The following CRYBG1 variants were observed in gnomAD, a reference collection of about 807,000 sequenced individuals.
The protein encoded by CRYBG1 is beta/gamma crystallin domain-containing protein 1.
In CRYBG1, 139 loss-of-function variants were observed where a neutral mutation model predicts 189.2. That is an observed-to-expected ratio of 0.73 (90% CI 0.64 to 0.85). The LOEUF is 0.85. CRYBG1 is among the 40% of genes least tolerant of loss of function. The pLI is 0.00. For synonymous variants in CRYBG1, 1,023 were observed against 1,017.1 expected (o/e 1.01, Z -0.11); for missense variants, 2,611 against 2,675.8 (o/e 0.98, Z 0.53).
chr6:106,430,092 G>A (rs1286583254), intron 1 of CRYBG1, among the ~76,000 whole-genome samples: 1 of 152,080 alleles, frequency 6.6e-6, no homozygotes. Flanking sequence ...GATTTTCTAT[G>A]GATGATTTTC....
chr6:106,401,390 CTT>C (rs67766893), intron 1 of CRYBG1, among the ~76,000 whole-genome samples: 28,011 of 140,244 alleles, frequency 0.2, 2,927 homozygotes, highest in Non-Finnish European at 0.24. Context: ...CTGAATGATT[CTT>C]TTTTTTTTTT....
intron 1 of CRYBG1, among the ~76,000 whole-genome samples, chr6:106,439,959 A>G (rs1348687545): frequency 1.3e-5 from 2 of 152,206 alleles, no homozygotes; most frequent in Non-Finnish European, 2.9e-5. Context: ...ATAATGTTGA[A>G]CCTCGAAGTT....
chr6:106,405,937 G>C (rs558599274), intron 1 of CRYBG1, among the ~76,000 whole-genome samples: 3 of 152,194 alleles, frequency 2.0e-5, no homozygotes, highest in Non-Finnish European at 2.9e-5. Context: ...GTGCAAAAAG[G>C]CTGAAAATTC....
chr6:106,529,444 T>A (rs1031102406), intron 7 of CRYBG1, among the ~76,000 whole-genome samples: 1 of 152,232 alleles, frequency 6.6e-6, no homozygotes, highest in Non-Finnish European at 1.5e-5. Flanking sequence ...TCATTAGAGT[T>A]GTTCCTTTTG....
At position 106,553,627 on chromosome 6, in the gene CRYBG1, C is replaced by T. The variant is rs1233728080; in HGVS notation, c.5585+60C>T. On this transcript the variant is annotated intron_variant, in intron 16 of 21. Transcript: ENST00000633556. ...CTGGAGTAAAACAGAATTCACACAT[C>T]AGCAAGTATATAGTGATGCCTGTTA... 5.2e-6 allele frequency: 6 copies of T among 1,148,918 alleles called. No individual in the cohort carries two copies. The African/African-American group carries it at 7.7e-5, about 15-fold the overall frequency. 71.2% of individuals were successfully genotyped at this position (1,148,918 alleles called of 1,614,324 possible).
rs555384631 is a variant in CRYBG1 at position 106,511,941 on chromosome 6, C to T, written c.824C>T (p.Pro275Leu). The T allele has an allele frequency of 6.9e-5, 105 of 1,526,072 alleles. 1 individual carries two copies. The highest frequency in any genetic ancestry group is 4.9e-4 in the East Asian group (20 of 40,726). 94.5% of individuals were successfully genotyped at this position (1,526,072 alleles called of 1,614,324 possible). A position where few individuals can be genotyped will look rare whatever the true frequency, so the allele number is the denominator to read the frequency against. ...AACGCAGAGACGCCCGCCCGCAGTC[C>T]GGGGGAGGACGCTTCACCAGGTGCT... ...QENAETPARS[P>L]GEDASPGAGH... The change falls in exon 3 of 22, where the codon CCG (proline) becomes CTG (leucine). Residue 275 changes from proline (P) to leucine (L), a missense_variant. Pro to Leu is a moderately conservative substitution (Grantham distance 98). Transcript: ENST00000633556.
chr6:106,568,804 C>T lies in CRYBG1; in HGVS notation c.*238C>T. The T allele has an allele frequency of 2.4e-6, 1 of 409,342 alleles. No homozygotes were observed. The highest frequency in any genetic ancestry group is 4.4e-6 in the Non-Finnish European group (1 of 227,112). The allele number at this position is 409,342 out of a possible 1,614,324, so 25.4% of individuals were successfully genotyped here. A position where few individuals can be genotyped will look rare whatever the true frequency, so the allele number is the denominator to read the frequency against. On this transcript the variant is annotated 3_prime_UTR_variant, in exon 22 of 22. Transcript: ENST00000633556. ...ATTTCTTGCCTTTCATTTTTGGTAG[C>T]TGCTTAAACAGGTTGCCTAATTAGC...
At chr6:106,564,613 GC>G (rs35173941) in intron 21 of CRYBG1, among the ~76,000 whole-genome samples, 112,161 of 151,964 alleles carry the variant, frequency 0.74, 43,553 homozygotes, top group Non-Finnish European at 0.88. Flanking sequence ...CTGGGGTGGG[GC>G]CTGATAATTC....
Position 106,521,405 on chromosome 6 carries a change from G to C in CRYBG1, c.4197G>C (p.Arg1399=), listed in dbSNP as rs371480971. The change falls in exon 4 of 22, where the codon CGG becomes CGC. Residue 1399 remains arginine, a synonymous_variant. Transcript: ENST00000633556. ...TDFMGLFKSS[R]YDPSISFSGM... ...TCATGGGTCTTTTCAAATCAAGCCG[G>C]TATGACCCAAGCATTTCTTTTTCTG... is the stretch of plus-strand genomic sequence containing the variant. 6.2e-7 allele frequency: 1 copy of C among 1,605,704 alleles called. No individual in the cohort carries two copies. The highest frequency in any genetic ancestry group is 8.5e-7 in the Non-Finnish European group (1 of 1,177,474).
At position 106,571,815 on chromosome 6, in the gene CRYBG1, C is replaced by T. The variant is rs1775070537; in HGVS notation, c.*3249C>T. On this transcript the variant is annotated 3_prime_UTR_variant, in exon 22 of 22. Transcript: ENST00000633556. Reference sequence around the variant, plus strand: ...AATTTCTACTGACTACAGACAAATCCAAGTGCTGATATTTTTATATCAATT... The same window carrying T: ...AATTTCTACTGACTACAGACAAATCTAAGTGCTGATATTTTTATATCAATT... 3.9e-6 allele frequency: 2 copies of T among 510,828 alleles called. No homozygotes were observed. Among genetic ancestry groups the T allele is most frequent in the Non-Finnish European group, 7.0e-6 (2 of 284,840 alleles). The allele number at this position is 510,828 out of a possible 1,614,324, so 31.6% of individuals were successfully genotyped here.
Position 106,570,072 on chromosome 6 carries a change from T to C in CRYBG1, c.*1506T>C, listed in dbSNP as rs920901464. The stretch of plus-strand genomic sequence containing the variant: ...CATACGCTGCTCTTCCAACAGTGGG[T>C]TCTAGCTTTGAACAAAAGTGCTAAA... On this transcript the variant is annotated 3_prime_UTR_variant, in exon 22 of 22. Transcript: ENST00000633556. 6.6e-6 allele frequency: 1 copy of C among 152,202 alleles called. No homozygotes were observed. Among genetic ancestry groups the C allele is most frequent in the East Asian group, 1.9e-4 (1 of 5,200 alleles). The allele number at this position is 152,202 out of a possible 1,614,324, so 9.4% of individuals were successfully genotyped here.
At chr6:106,400,360 G>C (rs1374541501) in intron 1 of CRYBG1, among the ~76,000 whole-genome samples, 1 of 152,106 alleles carries the variant, frequency 6.6e-6, no homozygotes, top group Non-Finnish European at 1.5e-5. Context: ...AATCTTACTT[G>C]AGACAATGCC....
At chr6:106,547,980 A>G (rs1035868539) in intron 13 of CRYBG1, among the ~76,000 whole-genome samples, 2 of 152,226 alleles carry the variant, frequency 1.3e-5, no homozygotes, top group Non-Finnish European at 2.9e-5. Context: ...TGGTATTCAG[A>G]TGAAAACGAA....
At chr6:106,404,984 G>GTT (rs1307389824) in intron 1 of CRYBG1, among the ~76,000 whole-genome samples, 1 of 146,808 alleles carries the variant, frequency 6.8e-6, no homozygotes, top group Non-Finnish European at 1.5e-5. Context: ...GCTAGCCGCA[G>GTT]TTTTTTTTTT....
Position 106,519,209 on chromosome 6 carries a change from A to G in CRYBG1, c.2001A>G (p.Pro667=). ...ACAGTTTGGGAAATGAGCACAATCCATTTAGCCAGCCAGTTCACAAAGGCA... is the reference window on the plus strand; with the variant it reads ...ACAGTTTGGGAAATGAGCACAATCCGTTTAGCCAGCCAGTTCACAAAGGCA... The part of the protein sequence containing the change: ...NLDSLGNEHN[P]FSQPVHKGNT... Residue 667 remains proline (P), a synonymous_variant, in exon 4 of 22, where the codon CCA becomes CCG. Transcript: ENST00000633556. The G allele has an allele frequency of 1.2e-6, 2 of 1,614,130 alleles. No individual in the cohort carries two copies.
chr6:106,485,104 A>G (rs553726868), intron 2 of CRYBG1, among the ~76,000 whole-genome samples: 1 of 152,330 alleles, frequency 6.6e-6, no homozygotes, highest in East Asian at 1.9e-4. Flanking sequence ...TTTTAACAAT[A>G]TTATTTCTTC....
intron 1 of CRYBG1, among the ~76,000 whole-genome samples, chr6:106,412,623 A>C (rs1406848722): frequency 6.6e-6 from 1 of 152,222 alleles, no homozygotes. Flanking sequence ...GTACTTTGTC[A>C]CTGATAGGAA....
rs995647368 is a variant in CRYBG1, at chr6:106,451,163, T to C, written c.174-531T>C. Among the ~76,000 whole-genome samples the C allele has an allele frequency of 3.3e-5, 5 of 152,210 alleles. No homozygotes were observed. In the South Asian group the frequency reaches 1.0e-3, roughly 32 times the overall value. On this transcript the variant is annotated intron_variant, in intron 1 of 21. Coordinates refer to ENST00000633556, the MANE Select transcript of CRYBG1 (RefSeq NM_001371242.2). ...GCTTTGGGGTAGGCAACCATCAGAG[T>C]CTGTAAAACATTCTTTCTGCCTTTA...
rs1020229596 is a variant in CRYBG1 at position 106,551,865 on chromosome 6, G to A, written c.5326G>A (p.Glu1776Lys). Residue 1776 changes from glutamate (E) to lysine (K), a missense_variant, in exon 14 of 22, where the codon GAA becomes AAA. This residue lies in a region of CRYBG1 where 1,622 missense variants were observed against 1,735.0 expected (regional missense o/e 0.93). Transcript: ENST00000633556. ...TTTGTTTCTTAGATGGGTAGCCTATGAAAATCCTGACTTCACAGGAGAACA... is the reference window on the plus strand; with the variant it reads ...TTTGTTTCTTAGATGGGTAGCCTATAAAAATCCTGACTTCACAGGAGAACA... Reference protein sequence around the residue: ...NVLSGVWVAYENPDFTGEQYI... With the variant: ...NVLSGVWVAYKNPDFTGEQYI... 6 of 1,612,486 alleles carry A rather than the reference G, an allele frequency of 3.7e-6. No homozygotes were observed. The highest frequency in any genetic ancestry group is 5.1e-6 in the Non-Finnish European group (6 of 1,179,164).
Sources: gnomAD v4.1 joint callset for allele counts (sites outside exome capture counted in the v4.1 genomes callset) on GRCh38, gnomAD v4.1.1 for gene constraint, gnomAD v4.1.1 regional missense constraint, MANE v1.5 for transcripts, NCBI Gene and HGNC (gene_info 2026-07-23, HGNC 2026-07-21) for gene names.